Variants in ZZZ3 observed in about 807,000 individuals in gnomAD.
ZZZ3 encodes zinc finger ZZ-type containing 3, also known as ZZ-type zinc finger-containing protein 3.
In ZZZ3, 22 loss-of-function variants were observed where a neutral mutation model predicts 95.2. That is an observed-to-expected ratio of 0.23 (90% confidence interval 0.17 to 0.33). The LOEUF (loss-of-function observed/expected upper bound fraction) is 0.33, where lower values mean the gene tolerates loss of function less well. Among genes scored for constraint, ZZZ3 ranks in the 10% least tolerant of loss-of-function variants. The pLI is 1.00. For synonymous variants in ZZZ3, 335 were observed against 358.9 expected, an observed-to-expected ratio of 0.93 and a Z score of 0.75; for missense variants, 885 against 1,066.5, an observed-to-expected ratio of 0.83 and a Z score of 2.37.
chr1:77,611,248 AAAC>A lies in ZZZ3; in HGVS notation c.1505+20599_1505+20601del, dbSNP rs778941918. Reference sequence around the variant, plus strand: ...AATACCTACCAAAAAAAAAAAAAAAAAACAACCCACATGCAAAAAAACACAAAA... The same window carrying A: ...AATACCTACCAAAAAAAAAAAAAAAAAACCCACATGCAAAAAAACACAAAA... On this transcript the variant is annotated intron_variant, in intron 5 of 14. Coordinates refer to ENST00000370801, the MANE Select transcript of ZZZ3 (RefSeq NM_015534.6). Among the ~76,000 whole-genome samples, 303 of 147,812 alleles carry A rather than the reference AAAC, an allele frequency of 2.0e-3. 3 individuals carry two copies. The highest frequency in any genetic ancestry group is 6.9e-3 in the African/African-American group (272 of 39,678).
At chr1:77,603,397 G>A (rs1370357422) in intron 5 of ZZZ3, among the ~76,000 whole-genome samples, 1 of 152,084 alleles carries the variant, frequency 6.6e-6, no homozygotes, top group Non-Finnish European at 1.5e-5. Context: ...TAATACAATA[G>A]AAATCATACC....
intron 5 of ZZZ3, among the ~76,000 whole-genome samples, chr1:77,594,774 A>T (rs1469757085): frequency 6.6e-6 from 1 of 151,930 alleles, no homozygotes; most frequent in African/African-American, 2.4e-5. Context: ...ACTATAGATT[A>T]AAAAAATCAG....
upstream of ZZZ3, among the ~76,000 whole-genome samples, chr1:77,682,934 C>G (rs1419657981): frequency 1.3e-5 from 2 of 152,332 alleles, no homozygotes; most frequent in Non-Finnish European, 1.5e-5. Flanking sequence ...TGCGCTGCCC[C>G]AGGCAGCCTC....
intron 1 of ZZZ3, among the ~76,000 whole-genome samples, chr1:77,649,804 C>T (rs1475428798): frequency 5.9e-5 from 9 of 151,852 alleles, no homozygotes; most frequent in Non-Finnish European, 1.5e-5. Flanking sequence ...ATCGCTTGAA[C>T]CCAGGAGGCA....
intron 5 of ZZZ3, among the ~76,000 whole-genome samples, chr1:77,604,707 A>G (rs1337194059): frequency 6.6e-6 from 1 of 152,224 alleles, no homozygotes; most frequent in Non-Finnish European, 1.5e-5. Context: ...TAAGCATTTG[A>G]TAGTATCAGT....
At chr1:77,602,708 C>T (rs941565559) in intron 5 of ZZZ3, among the ~76,000 whole-genome samples, 10 of 148,584 alleles carry the variant, frequency 6.7e-5, no homozygotes, top group African/African-American at 2.5e-4. Flanking sequence ...TGGGTTCAGG[C>T]AATTCTCCTG....
intron 5 of ZZZ3, among the ~76,000 whole-genome samples, chr1:77,617,371 C>A (rs778273694): frequency 1.7e-4 from 26 of 152,148 alleles, no homozygotes; most frequent in Non-Finnish European, 3.1e-4. Context: ...TGGATTATTT[C>A]ATATAAATAG....
chr1:77,667,763 CTTTT>C (rs34939314), intron 1 of ZZZ3, among the ~76,000 whole-genome samples: 2 of 115,096 alleles, frequency 1.7e-5, no homozygotes. Flanking sequence ...AATGGGTATT[CTTTT>C]TTTTTTTTTT....
chr1:77,606,445 G>T (rs895988699), intron 5 of ZZZ3, among the ~76,000 whole-genome samples: 1 of 152,166 alleles, frequency 6.6e-6, no homozygotes, highest in African/African-American at 2.4e-5. Flanking sequence ...CACAAGCCTG[G>T]CTGGGGTTGC....
chr1:77,659,243 T>G (rs1170002786), intron 1 of ZZZ3, among the ~76,000 whole-genome samples: 1 of 152,180 alleles, frequency 6.6e-6, no homozygotes, highest in African/African-American at 2.4e-5. Context: ...CTTTACTAAT[T>G]TGCTATCACT....
chr1:77,603,417 C>G (rs927986905), intron 5 of ZZZ3, among the ~76,000 whole-genome samples: 1 of 152,118 alleles, frequency 6.6e-6, no homozygotes, highest in Non-Finnish European at 1.5e-5. Flanking sequence ...CACAAAAAAC[C>G]ATACCTATGT....
intron 5 of ZZZ3, among the ~76,000 whole-genome samples, chr1:77,622,096 T>C (rs1666925375): frequency 7.1e-6 from 1 of 140,234 alleles, no homozygotes; most frequent in African/African-American, 2.7e-5. Context: ...GGCCAGGAGT[T>C]CAAAACTAGC....
chr1:77,673,201 T>A (rs1354449259), intron 1 of ZZZ3, among the ~76,000 whole-genome samples: 2 of 151,966 alleles, frequency 1.3e-5, no homozygotes, highest in Non-Finnish European at 2.9e-5. Context: ...GAAAGAAAAA[T>A]TATGTGCAGG....
At chr1:77,665,567 A>T (rs1671172939) in intron 1 of ZZZ3, among the ~76,000 whole-genome samples, 1 of 152,234 alleles carries the variant, frequency 6.6e-6, no homozygotes, top group Admixed American at 6.5e-5. Context: ...TTAAAATAGT[A>T]ACTGACTTCA....
chr1:77,660,877 A>T (rs1375588752), intron 1 of ZZZ3, among the ~76,000 whole-genome samples: 48 of 152,206 alleles, frequency 3.2e-4, no homozygotes, highest in Admixed American at 3.1e-3. Context: ...CCAATTATAT[A>T]CAGAAATAGT....
intron 5 of ZZZ3, among the ~76,000 whole-genome samples, chr1:77,624,902 T>C (rs1022874019): frequency 6.6e-6 from 1 of 152,118 alleles, no homozygotes; most frequent in African/African-American, 2.4e-5. Context: ...GTCAGAATAT[T>C]GAATGGAATC....
chr1:77,660,391 C>A (rs534420300), intron 1 of ZZZ3, among the ~76,000 whole-genome samples: 2 of 152,302 alleles, frequency 1.3e-5, no homozygotes, highest in African/African-American at 2.4e-5. Context: ...ATATCCCCCA[C>A]CTCTAGCCTC....
At position 77,564,864 on chromosome 1, in the gene ZZZ3, A is replaced by C. The variant is rs1241214307; in HGVS notation, c.*776T>G. 6.6e-6 allele frequency: 1 copy of C among 152,662 alleles called. No individual in the cohort carries two copies. The highest frequency in any genetic ancestry group is 1.5e-5 in the Non-Finnish European group (1 of 68,036). 9.5% of individuals were successfully genotyped at this position (152,662 alleles called of 1,614,324 possible). ...AAGGCTGTGTATTTTAAAGGAATTA[A>C]TGTTGTGAATTAGAAACTTTACACA... On this transcript the variant is annotated 3_prime_UTR_variant, in exon 15 of 15. Transcript: ENST00000370801.
chr1:77,633,473 G>T, intron 4 of ZZZ3, 68 bp from the exon 5 acceptor site: 3 of 1,031,850 alleles, frequency 2.9e-6, no homozygotes, highest in South Asian at 1.9e-5. Flanking sequence ...AAAGTATAAA[G>T]CTATAACTTT....
Sources: gnomAD v4.1 joint callset for allele counts (sites outside exome capture counted in the v4.1 genomes callset) on GRCh38, gnomAD v4.1.1 for gene constraint, MANE v1.5 for transcripts, NCBI Gene and HGNC (gene_info 2026-07-23, HGNC 2026-07-21) for gene names.